The following TSR1 variants were observed in gnomAD, a reference collection of about 807,000 sequenced individuals.
TSR1 encodes the protein pre-rRNA-processing protein TSR1 homolog.
Under a neutral mutation model 90.9 loss-of-function variants are expected in TSR1, and 81 were observed. The ratio of observed to expected loss-of-function variants is 0.89; its 90% CI spans 0.74 to 1.07. The LOEUF (loss-of-function observed/expected upper bound fraction) is 1.07. TSR1 is among the 50% of genes least tolerant of loss of function. The pLI is 0.00. For missense variants in TSR1, 989 were observed against 987.3 expected, an observed-to-expected ratio of 1.00 and a Z score of -0.02; for synonymous variants, 362 against 348.8, an observed-to-expected ratio of 1.04 and a Z score of -0.42.
intron 11 of TSR1, among the ~76,000 whole-genome samples, chr17:2,326,006 A>G (rs1327137351): frequency 6.6e-6 from 1 of 152,188 alleles, no homozygotes; most frequent in South Asian, 2.1e-4. Context: ...TGCTCACTGC[A>G]ACCTCCACCT....
intron 10 of TSR1, 52 bp downstream of exon 10, chr17:2,330,463 A>T: frequency 1.3e-6 from 2 of 1,530,806 alleles, no homozygotes; most frequent in Non-Finnish European, 1.8e-6. Flanking sequence ...GACTGTCAGA[A>T]GCAGCTGGAA....
chr17:2,331,143 CAG>C, intron 8 of TSR1, 34 bp from the exon 9 acceptor site: 1 of 1,539,172 alleles, frequency 6.5e-7, no homozygotes, highest in South Asian at 1.3e-5. Context: ...GACATTAAGT[CAG>C]ATTTATATGG....
rs2064009225 is a variant in TSR1 at position 2,332,157 on chromosome 17, T to C, written c.1496+12A>G. 2 of 1,611,100 alleles carry C rather than the reference T, an allele frequency of 1.2e-6. No homozygotes were observed. The highest frequency in any genetic ancestry group is 1.7e-5 in the Admixed American group (1 of 59,018). ...ACTGAATTTAGATTTGTTGATAGAC[T>C]TGTTGACTAACCGAATTCGAGCAGC... On this transcript the variant is annotated intron_variant, in intron 8 of 14. Coordinates refer to ENST00000301364, the MANE Select transcript of TSR1 (RefSeq NM_018128.5).
intron 11 of TSR1, among the ~76,000 whole-genome samples, chr17:2,325,981 C>CAATG (rs1225096197): frequency 1.3e-5 from 2 of 152,076 alleles, no homozygotes; most frequent in Non-Finnish European, 2.9e-5. Flanking sequence ...GGCTGGAGTA[C>CAATG]AATGGTGCCA....
rs749915120 is a variant in TSR1 at position 2,331,123 on chromosome 17, G to C, written c.1497-14C>G. 2 of 1,560,226 alleles carry C rather than the reference G, an allele frequency of 1.3e-6. No individual in the cohort carries two copies. Among genetic ancestry groups the C allele is most frequent in the Admixed American group, 2.1e-5 (1 of 46,734 alleles). The stretch of plus-strand genomic sequence containing the variant: ...TATTTCTGAAATCTAGAATATTGAA[G>C]ATTTTTAAAGACATTAAGTCAGATT... On this transcript the variant is annotated splice_polypyrimidine_tract_variant and intron_variant, in intron 8 of 14. Transcript: ENST00000301364.
chr17:2,333,462 C>A (rs893309322), intron 6 of TSR1, 95 bp downstream of exon 6: 3 of 1,485,138 alleles, frequency 2.0e-6, no homozygotes, highest in Non-Finnish European at 2.8e-6. Flanking sequence ...TATACCCCCA[C>A]CCCACTCTAT....
chr17:2,328,111 C>T (rs571849105), intron 11 of TSR1, among the ~76,000 whole-genome samples: 2 of 151,568 alleles, frequency 1.3e-5, no homozygotes, highest in Admixed American at 6.6e-5. Context: ...GGCGTGGTGG[C>T]GGGTGCCTGT....
chr17:2,324,171 G>A lies in TSR1; in HGVS notation c.*25C>T, dbSNP rs1287478248. 6.6e-7 allele frequency: 1 copy of A among 1,513,090 alleles called. No homozygotes were observed. The highest frequency in any genetic ancestry group is 1.4e-5 in the African/African-American group (1 of 71,742). 93.7% of individuals were successfully genotyped at this position (1,513,090 alleles called of 1,614,324 possible). Reference sequence around the variant, plus strand: ...ATCCCTGGAGTACTGACTGGCACCGGTAAGACAGAATCTCTTTGAATCCAT... The same window carrying A: ...ATCCCTGGAGTACTGACTGGCACCGATAAGACAGAATCTCTTTGAATCCAT... On this transcript the variant is annotated 3_prime_UTR_variant, in exon 15 of 15. Coordinates refer to ENST00000301364, the MANE Select transcript of TSR1 (RefSeq NM_018128.5).
chr17:2,329,066 T>A (rs1162132383), intron 11 of TSR1: 5 of 649,056 alleles, frequency 7.7e-6, no homozygotes, highest in Non-Finnish European at 1.4e-5. Context: ...CCTAATACCC[T>A]TTTTATAAAG....
rs764282871 is a variant in TSR1 at position 2,324,766 on chromosome 17, T to C, written c.2084A>G (p.Lys695Arg). The C allele has an allele frequency of 6.2e-6, 10 of 1,614,224 alleles. No homozygotes were observed. In the South Asian group the frequency reaches 1.1e-4, roughly 18 times the overall value. Residue 695 changes from lysine (K) to arginine (R), a missense_variant, in exon 13 of 15, where the codon AAG (lysine) becomes AGG (arginine). By Grantham distance (26) the Lys-to-Arg change is conservative. Transcript: ENST00000301364. ...AGGATGACCACTCAGAACAACTCTC[T>C]TGATGACCATTCTGTCTGGATCTAC... ...MSVDPDRMVI[K>R]RVVLSGHPFK... is the part of the protein sequence containing the mutation.
At chr17:2,335,979 G>A in intron 2 of TSR1, 58 bp downstream of exon 2, 1 of 1,555,882 alleles carries the variant, frequency 6.4e-7, no homozygotes, top group Non-Finnish European at 8.9e-7. Flanking sequence ...CCACTTCGAG[G>A]CATTAGCCAC....
At chr17:2,330,690 T>G in intron 9 of TSR1, 65 bp from the exon 10 acceptor site, 1 of 1,506,614 alleles carries the variant, frequency 6.6e-7, no homozygotes. Context: ...CGAGGAAGCT[T>G]TCTCCAAATA....
At chr17:2,330,475 G>GT in intron 10 of TSR1, 40 bp downstream of exon 10, 1 of 1,585,176 alleles carries the variant, frequency 6.3e-7, no homozygotes, top group Non-Finnish European at 8.7e-7. Flanking sequence ...CAGCTGGAAA[G>GT]TTTCACAACC....
chr17:2,333,190 A>C, intron 6 of TSR1, 66 bp from the exon 7 acceptor site: 16 of 1,569,220 alleles, frequency 1.0e-5, no homozygotes, highest in Non-Finnish European at 1.2e-5. Flanking sequence ...GGTTATTCTC[A>C]CCTAGGCAAG....
At position 2,334,886 on chromosome 17, in the gene TSR1, G is replaced by A. The variant is rs750372274; in HGVS notation, c.567C>T (p.Val189=). ...AQGLPTYTLA[V]QGISGLPLKK... is the part of the protein sequence containing the mutation. ...TCAGTGGGAGGCCAGAAATCCCCTG[G>A]ACAGCTAGTGCTGTAAGCGAAAGAG... The change falls in exon 5 of 15, where the codon GTC becomes GTT. Residue 189 remains valine, a synonymous_variant. Coordinates refer to ENST00000301364, the MANE Select transcript of TSR1 (RefSeq NM_018128.5). 58 of 1,611,004 alleles carry A rather than the reference G, an allele frequency of 3.6e-5. No homozygotes were observed. Among genetic ancestry groups the A allele is most frequent in the Admixed American group, 2.7e-4 (16 of 59,980 alleles).
At chr17:2,331,452 G>C (rs1475299672) in intron 8 of TSR1, among the ~76,000 whole-genome samples, 1 of 152,196 alleles carries the variant, frequency 6.6e-6, no homozygotes, top group African/African-American at 2.4e-5. Flanking sequence ...TTTCTCATGA[G>C]TGGGTTAGCA....
At chr17:2,329,554 C>T in intron 10 of TSR1, 79 bp from the exon 11 acceptor site, 1 of 1,535,160 alleles carries the variant, frequency 6.5e-7, no homozygotes, top group Admixed American at 1.7e-5. Flanking sequence ...GCAAACCAAA[C>T]TAGCAGATTC....
At chr17:2,330,843 C>T (rs953786989) in intron 9 of TSR1, 104 bp downstream of exon 9, 1 of 1,356,632 alleles carries the variant, frequency 7.4e-7, no homozygotes, top group African/African-American at 1.5e-5. Flanking sequence ...AGGGGCTCCC[C>T]TAATCCCCAA....
At chr17:2,332,446 A>G in intron 7 of TSR1, 87 bp from the exon 8 acceptor site, 2 of 1,143,152 alleles carry the variant, frequency 1.7e-6, no homozygotes, top group Non-Finnish European at 2.5e-6. Context: ...AAATAATTGT[A>G]CTAGATCCCT....
Sources: gnomAD v4.1 joint callset for allele counts (sites outside exome capture counted in the v4.1 genomes callset) on GRCh38, gnomAD v4.1.1 for gene constraint, MANE v1.5 for transcripts, NCBI Gene and HGNC (gene_info 2026-07-23, HGNC 2026-07-21) for gene names.